Variants in ZNF623 observed in about 807,000 individuals in gnomAD.
The protein encoded by ZNF623 is zinc finger protein 623.
A neutral mutation model predicts 24.0 loss-of-function variants in ZNF623; 16 were observed. That is an observed-to-expected ratio of 0.67 (90% CI 0.45 to 1.01). ZNF623 has a LOEUF of 1.01. Ranked by LOEUF, ZNF623 falls within the 50% of genes least tolerant of loss-of-function variation. The pLI is 0.00. For missense variants in ZNF623, 566 were observed against 606.5 expected (o/e 0.93, Z 0.70); for synonymous variants, 224 against 219.8 (o/e 1.02, Z -0.17).
chr8:143,651,629 C>T lies in ZNF623; in HGVS notation c.*146C>T, dbSNP rs1039940224. 1.1e-6 allele frequency: 1 copy of T among 905,150 alleles called. No homozygotes were observed. The allele number at this position is 905,150 out of a possible 1,614,324, so 56.1% of individuals were successfully genotyped here. A position where few individuals can be genotyped will look rare whatever the true frequency, so the allele number is the denominator to read the frequency against. ...TGGGTGCCACCTGCCACTGTGCAGC[C>T]CTACTCGGCTCAGCCCTTCTCCTCA... On this transcript the variant is annotated 3_prime_UTR_variant, in exon 2 of 2. Coordinates refer to ENST00000526926, the MANE Select transcript of ZNF623 (RefSeq NM_001261843.2).
At chr8:143,644,715 C>T (rs1445704501) in intron 1 of ZNF623, among the ~76,000 whole-genome samples, 2 of 151,448 alleles carry the variant, frequency 1.3e-5, no homozygotes, top group African/African-American at 4.9e-5. Flanking sequence ...TATGGAGAAG[C>T]CCCATCTCTA....
At chr8:143,636,284 G>T (rs1189488134) in intron 1 of ZNF623, 139 bp downstream of exon 1, 2 of 152,162 alleles carry the variant, frequency 1.3e-5, no homozygotes, top group African/African-American at 4.8e-5. Flanking sequence ...GCCCCGCTAG[G>T]GCGTCCAGGA....
intron 1 of ZNF623, among the ~76,000 whole-genome samples, chr8:143,645,258 G>T (rs906360443): frequency 6.6e-6 from 1 of 152,008 alleles, no homozygotes; most frequent in African/African-American, 2.4e-5. Flanking sequence ...CCTGGCTAAC[G>T]GTGAAACCCC....
chr8:143,645,938 CTGCTAGACATTCTA>C (rs1815167869), intron 1 of ZNF623, among the ~76,000 whole-genome samples: 1 of 151,968 alleles, frequency 6.6e-6, no homozygotes, highest in South Asian at 2.1e-4. Context: ...ACTGAGAAAC[CTGCTAGACATTCTA>C]AAAGAGCTGT....
chr8:143,648,096 G>A lies in ZNF623; in HGVS notation c.-95-1802G>A, dbSNP rs144849166. Among the ~76,000 whole-genome samples the A allele has an allele frequency of 2.6e-3, 402 of 152,278 alleles. 1 individual carries two copies. Among genetic ancestry groups the A allele is most frequent in the African/African-American group, 9.4e-3 (391 of 41,548 alleles). On this transcript the variant is annotated intron_variant, in intron 1 of 1. Coordinates refer to ENST00000526926, the MANE Select transcript of ZNF623 (RefSeq NM_001261843.2). ...GAGGAGCTGGTCAGGTGTTGGGGCT[G>A]GAAAGAAGGCCAGGTTGGAGGCAGG...
intron 1 of ZNF623, among the ~76,000 whole-genome samples, chr8:143,639,093 T>C (rs537216992): frequency 1.1e-4 from 17 of 152,270 alleles, no homozygotes; most frequent in Admixed American, 9.8e-4. Context: ...GGTTTTACCA[T>C]GTTGGCCAGG....
chr8:143,638,050 C>G (rs1359614152), intron 1 of ZNF623, among the ~76,000 whole-genome samples: 1 of 152,130 alleles, frequency 6.6e-6, no homozygotes, highest in Admixed American at 6.5e-5. Flanking sequence ...TAGCTATTTC[C>G]TTTTTGAGAT....
Position 143,653,436 on chromosome 8 carries a change from A to G in ZNF623, c.*1953A>G, listed in dbSNP as rs907836603. On this transcript the variant is annotated 3_prime_UTR_variant, in exon 2 of 2. Coordinates refer to ENST00000526926, the MANE Select transcript of ZNF623 (RefSeq NM_001261843.2). The stretch of plus-strand genomic sequence containing the variant: ...TTTTAATCAACTTTATTGAGATTCA[A>G]TTTTCATATAGTAAAACGCCTATTT... 2.6e-4 allele frequency: 43 copies of G among 167,080 alleles called. 1 individual carries two copies. Among genetic ancestry groups the G allele is most frequent in the Admixed American group, 2.2e-3 (34 of 15,276 alleles). 10.3% of individuals were successfully genotyped at this position (167,080 alleles called of 1,614,324 possible).
chr8:143,651,367 A>G lies in ZNF623; in HGVS notation c.1375A>G (p.Thr459Ala). The G allele has an allele frequency of 1.2e-6, 2 of 1,614,220 alleles. No homozygotes were observed. Among genetic ancestry groups the G allele is most frequent in the Non-Finnish European group, 1.7e-6 (2 of 1,180,028 alleles). Reference protein sequence around the residue: ...CSQYGRDFNSTTNVKNNQRVH... With the variant: ...CSQYGRDFNSATNVKNNQRVH... ...TCAGTATGGGAGAGATTTTAACTCAACTACAAACGTTAAAAATAATCAAAG... is the reference window on the plus strand; with the variant it reads ...TCAGTATGGGAGAGATTTTAACTCAGCTACAAACGTTAAAAATAATCAAAG... The change falls in exon 2 of 2, where the codon ACT becomes GCT. Residue 459 changes from threonine (T) to alanine (A), a missense_variant. Physicochemically the swap from Thr to Ala is moderately conservative, Grantham distance 58 (BLOSUM62 0). Around this residue, in one of 3 missense-constraint regions of ZNF623, gnomAD observed 136 missense variants for 131.9 expected, o/e 1.03. Transcript: ENST00000526926.
intron 1 of ZNF623, among the ~76,000 whole-genome samples, chr8:143,644,146 G>A (rs757971165): frequency 6.6e-6 from 1 of 152,022 alleles, no homozygotes; most frequent in African/African-American, 2.4e-5. Context: ...TCAGCCTCCC[G>A]AGTAGCTGGG....
At chr8:143,645,165 C>T (rs1432334909) in intron 1 of ZNF623, among the ~76,000 whole-genome samples, 22 of 148,848 alleles carry the variant, frequency 1.5e-4, no homozygotes, top group South Asian at 4.3e-4. Context: ...AATGGTCGGC[C>T]GAGCGTGGTG....
Position 143,646,546 on chromosome 8 carries a change from C to CGTGTGTGT in ZNF623, c.-95-3336_-95-3329dup, listed in dbSNP as rs60526625. On this transcript the variant is annotated intron_variant, in intron 1 of 1. Coordinates refer to ENST00000526926, the MANE Select transcript of ZNF623 (RefSeq NM_001261843.2). The stretch of plus-strand genomic sequence containing the variant: ...TAGTTTGTTGCCTGTGGGGTGTGTG[C>CGTGTGTGT]GTGTGTGTGTGTGTGTGTGTGTGCA... Among the ~76,000 whole-genome samples the CGTGTGTGT allele has an allele frequency of 3.9e-3, 577 of 149,440 alleles. 3 individuals are homozygous for CGTGTGTGT. Among genetic ancestry groups the CGTGTGTGT allele is most frequent in the East Asian group, 0.01 (51 of 5,080 alleles).
At chr8:143,642,357 C>T (rs1439497242) in intron 1 of ZNF623, among the ~76,000 whole-genome samples, 1 of 152,204 alleles carries the variant, frequency 6.6e-6, no homozygotes. Flanking sequence ...CCAGTCACAC[C>T]AGCTGTCGGG....
At chr8:143,639,641 C>T (rs889951107) in intron 1 of ZNF623, among the ~76,000 whole-genome samples, 9 of 152,204 alleles carry the variant, frequency 5.9e-5, no homozygotes, top group African/African-American at 1.2e-4. Context: ...AGGTGTGAGC[C>T]GCCGCACCTG....
intron 1 of ZNF623, among the ~76,000 whole-genome samples, chr8:143,645,271 C>A (rs1367623282): frequency 6.6e-6 from 1 of 152,092 alleles, no homozygotes; most frequent in Admixed American, 6.6e-5. Context: ...GAAACCCCGT[C>A]TCTCCTAAAA....
At chr8:143,645,690 G>A (rs894978895) in intron 1 of ZNF623, among the ~76,000 whole-genome samples, 5 of 152,074 alleles carry the variant, frequency 3.3e-5, no homozygotes, top group Non-Finnish European at 4.4e-5. Flanking sequence ...TTTCCTCCAC[G>A]TCCCAAAGAT....
intron 1 of ZNF623, among the ~76,000 whole-genome samples, chr8:143,642,666 T>C (rs1000387442): frequency 1.3e-5 from 2 of 152,122 alleles, no homozygotes; most frequent in Admixed American, 6.5e-5. Flanking sequence ...TAGCCTAATC[T>C]CAATATTGTT....
At position 143,653,376 on chromosome 8, in the gene ZNF623, C is replaced by T. The variant is rs1815383661; in HGVS notation, c.*1893C>T. The stretch of plus-strand genomic sequence containing the variant: ...TACATTTTCTGGAAAATCAGCATTA[C>T]TAGAGATGTTTCAAATGTAGATTTT... On this transcript the variant is annotated 3_prime_UTR_variant, in exon 2 of 2. Transcript: ENST00000526926. The T allele has an allele frequency of 1.2e-5, 2 of 167,074 alleles. No homozygotes were observed. Among genetic ancestry groups the T allele is most frequent in the South Asian group, 2.1e-4 (1 of 4,830 alleles). 10.3% of individuals were successfully genotyped at this position (167,074 alleles called of 1,614,324 possible).
chr8:143,649,114 A>G (rs1815234485), intron 1 of ZNF623, among the ~76,000 whole-genome samples: 1 of 151,946 alleles, frequency 6.6e-6, no homozygotes, highest in African/African-American at 2.4e-5. Context: ...CGTCTCTACT[A>G]AAAATACAAA....
Sources: allele counts gnomAD v4.1 joint callset (sites outside exome capture counted in the v4.1 genomes callset), GRCh38; gene constraint gnomAD v4.1.1; regional missense constraint gnomAD v4.1.1; transcripts MANE v1.5; gene names NCBI Gene and HGNC (gene_info 2026-07-23, HGNC 2026-07-21).